Variants in KCNH7 observed in about 807,000 individuals in gnomAD.
KCNH7 encodes voltage-gated inwardly rectifying potassium channel KCNH7.
KCNH7 carries 49 observed loss-of-function variants against 120.8 expected under a neutral mutation model. That is an observed-to-expected ratio of 0.41 (90% CI 0.32 to 0.51). KCNH7 has a LOEUF of 0.51. Ranked by LOEUF, KCNH7 falls within the 20% of genes least tolerant of loss-of-function variation. The pLI is 0.38. For missense variants in KCNH7, 1,097 were observed against 1,446.6 expected (o/e 0.76, Z 3.92); for synonymous variants, 547 against 516.1 (o/e 1.06, Z -0.81).
chr2:162,785,692 GT>G (rs900876773), intron 2 of KCNH7, among the ~76,000 whole-genome samples: 1 of 147,186 alleles, frequency 6.8e-6, no homozygotes, highest in African/African-American at 2.7e-5. Context: ...CTGTGGAATA[GT>G]TTTTTGTTTT....
intron 6 of KCNH7, among the ~76,000 whole-genome samples, chr2:162,496,101 TG>T (rs1478186698): frequency 3.9e-5 from 6 of 152,156 alleles, no homozygotes; most frequent in Non-Finnish European, 7.4e-5. Flanking sequence ...CATTCTTCCA[TG>T]GACCCTTAAA....
intron 2 of KCNH7, among the ~76,000 whole-genome samples, chr2:162,660,607 C>T (rs1480100604): frequency 6.6e-6 from 1 of 152,128 alleles, no homozygotes; most frequent in African/African-American, 2.4e-5. Context: ...ATTCTGTAGA[C>T]ATTAATTATA....
At chr2:162,414,887 G>A (rs2105473090) in intron 9 of KCNH7, among the ~76,000 whole-genome samples, 1 of 152,006 alleles carries the variant, frequency 6.6e-6, no homozygotes, top group East Asian at 1.9e-4. Context: ...TAAATTATGA[G>A]GCCTATAGAG....
chr2:162,625,164 T>C (rs540049141), intron 2 of KCNH7, among the ~76,000 whole-genome samples: 1 of 152,206 alleles, frequency 6.6e-6, no homozygotes, highest in Admixed American at 6.5e-5. Flanking sequence ...CCCAAAGTGC[T>C]GGGGTTACAG....
chr2:162,616,246 A>T (rs6432726), intron 2 of KCNH7, among the ~76,000 whole-genome samples: 96,150 of 151,994 alleles, frequency 0.63, 31,863 homozygotes, highest in African/African-American at 0.83. Context: ...TAAACCTATG[A>T]CCCTTACATT....
At chr2:162,633,216 T>G (rs1479057358) in intron 2 of KCNH7, among the ~76,000 whole-genome samples, 1 of 151,900 alleles carries the variant, frequency 6.6e-6, no homozygotes, top group Non-Finnish European at 1.5e-5. Flanking sequence ...ACATTTGTCT[T>G]GTTAAACCTG....
intron 2 of KCNH7, among the ~76,000 whole-genome samples, chr2:162,657,033 G>T (rs1167184622): frequency 1.3e-5 from 2 of 152,120 alleles, no homozygotes; most frequent in East Asian, 3.8e-4. Flanking sequence ...TTATTATTTA[G>T]AGCAGTTTTA....
At chr2:162,587,434 A>G (rs1324405010) in intron 2 of KCNH7, among the ~76,000 whole-genome samples, 1 of 152,142 alleles carries the variant, frequency 6.6e-6, no homozygotes, top group Non-Finnish European at 1.5e-5. Flanking sequence ...TGGAAGAACT[A>G]ATACAGAGTT....
intron 2 of KCNH7, among the ~76,000 whole-genome samples, chr2:162,595,614 T>A (rs748441468): frequency 6.6e-5 from 10 of 151,988 alleles, no homozygotes; most frequent in Non-Finnish European, 1.3e-4. Flanking sequence ...GTTGACATCA[T>A]ACTCAGTGGT....
chr2:162,710,785 T>A (rs1305502402), intron 2 of KCNH7, among the ~76,000 whole-genome samples: 1 of 152,150 alleles, frequency 6.6e-6, no homozygotes, highest in East Asian at 1.9e-4. Flanking sequence ...GAATATAGAC[T>A]TAGTGCAACC....
intron 2 of KCNH7, among the ~76,000 whole-genome samples, chr2:162,649,494 CTGA>C (rs1286349892): frequency 3.3e-5 from 5 of 152,138 alleles, no homozygotes; most frequent in African/African-American, 1.2e-4. Flanking sequence ...TAACTCTCTC[CTGA>C]TAAGTCACAT....
intron 2 of KCNH7, among the ~76,000 whole-genome samples, chr2:162,649,621 A>T (rs1408971685): frequency 6.8e-6 from 1 of 146,934 alleles, no homozygotes; most frequent in East Asian, 2.1e-4. Flanking sequence ...ATCCTATAGA[A>T]ATGGGTCTTG....
intron 2 of KCNH7, among the ~76,000 whole-genome samples, chr2:162,829,437 A>G (rs879260203): frequency 6.6e-6 from 1 of 152,164 alleles, no homozygotes; most frequent in Non-Finnish European, 1.5e-5. Context: ...ATGCCAATAG[A>G]GTGTGTAACA....
chr2:162,722,067 A>G (rs1168262642), intron 2 of KCNH7, among the ~76,000 whole-genome samples: 1 of 152,096 alleles, frequency 6.6e-6, no homozygotes, highest in East Asian at 1.9e-4. Flanking sequence ...TTTCACTAGT[A>G]CGTATTACTA....
intron 2 of KCNH7, among the ~76,000 whole-genome samples, chr2:162,743,416 T>A (rs1439596276): frequency 6.6e-6 from 1 of 151,960 alleles, no homozygotes; most frequent in Non-Finnish European, 1.5e-5. Flanking sequence ...TAAATAAAAG[T>A]GACAAACCAG....
chr2:162,515,891 C>T (rs1472965299), intron 4 of KCNH7, among the ~76,000 whole-genome samples: 1 of 151,784 alleles, frequency 6.6e-6, no homozygotes, highest in African/African-American at 2.4e-5. Flanking sequence ...CTTCTTCCTG[C>T]CAACTCTTCC....
chr2:162,656,174 A>G (rs1684753773), intron 2 of KCNH7, among the ~76,000 whole-genome samples: 1 of 152,226 alleles, frequency 6.6e-6, no homozygotes, highest in South Asian at 2.1e-4. Flanking sequence ...AGTCTGTTGT[A>G]AATACTGTCT....
chr2:162,769,205 T>C (rs553425248), intron 2 of KCNH7, among the ~76,000 whole-genome samples: 1 of 151,976 alleles, frequency 6.6e-6, no homozygotes, highest in East Asian at 1.9e-4. Flanking sequence ...ACAACAGACC[T>C]CCGCTCTCTT....
At chr2:162,385,542 A>T (rs1041820612) in intron 12 of KCNH7, among the ~76,000 whole-genome samples, 9 of 151,948 alleles carry the variant, frequency 5.9e-5, no homozygotes, top group African/African-American at 2.2e-4. Context: ...TTACCTAATT[A>T]CATTAAAGCT....
Sources: allele counts gnomAD v4.1 joint callset (sites outside exome capture counted in the v4.1 genomes callset), GRCh38; gene constraint gnomAD v4.1.1; transcripts MANE v1.5; gene names NCBI Gene and HGNC (gene_info 2026-07-23, HGNC 2026-07-21).